The following SNAP47 variants were observed in gnomAD, a reference collection of about 807,000 sequenced individuals.
The protein encoded by SNAP47 is synaptosome associated protein 47.
Under a neutral mutation model 31.4 loss-of-function variants are expected in SNAP47, and 20 were observed. The observed-to-expected ratio is 0.64, with a 90% CI of 0.45 to 0.93. The LOEUF (loss-of-function observed/expected upper bound fraction) is 0.93. SNAP47 is among the 40% of genes least tolerant of loss of function. The pLI is 0.00. For missense variants in SNAP47, 492 were observed against 528.5 expected (o/e 0.93, Z 0.68); for synonymous variants, 194 against 213.4 (o/e 0.91, Z 0.79).
intron 4 of SNAP47, 113 bp downstream of exon 4, chr1:227,767,196 C>A: frequency 6.8e-7 from 1 of 1,469,558 alleles, no homozygotes; most frequent in Non-Finnish European, 9.2e-7. Context: ...CCGTATTGGC[C>A]TCGCACCAAG....
intron 2 of SNAP47, among the ~76,000 whole-genome samples, chr1:227,754,860 A>G (rs1368099088): frequency 1.3e-5 from 2 of 152,338 alleles, no homozygotes; most frequent in Admixed American, 6.5e-5. Flanking sequence ...AAGACTGCCT[A>G]AAATAACTGA....
At chr1:227,732,806 G>A, upstream of SNAP47, 1 of 1,596,608 alleles carries the variant, frequency 6.3e-7, no homozygotes. Context: ...AAGCTGCGCG[G>A]TGACCAAGGG....
At chr1:227,744,646 T>C (rs1245840805) in intron 1 of SNAP47, among the ~76,000 whole-genome samples, 1 of 151,308 alleles carries the variant, frequency 6.6e-6, no homozygotes, top group Non-Finnish European at 1.5e-5. Flanking sequence ...TGGCCAGCTC[T>C]GTTCAGATAC....
upstream of SNAP47, chr1:227,735,420 C>T (rs568372279): frequency 4.5e-6 from 7 of 1,544,124 alleles, no homozygotes; most frequent in African/African-American, 8.5e-5. Flanking sequence ...ATGCGCGCGG[C>T]TCGCCGCGGT....
intron 4 of SNAP47, chr1:227,775,769 C>G (rs1392883867): frequency 3.8e-6 from 5 of 1,302,248 alleles, no homozygotes; most frequent in Non-Finnish European, 2.0e-6. Flanking sequence ...ATGCTAAATT[C>G]TCTTGTTTTT....
chr1:227,764,228 C>T (rs1663245277), intron 3 of SNAP47, among the ~76,000 whole-genome samples: 1 of 152,230 alleles, frequency 6.6e-6, no homozygotes, highest in Non-Finnish European at 1.5e-5. Context: ...AAAAGAGTGA[C>T]TCAGCAGCTC....
rs868039221 is a variant in SNAP47 at position 227,770,289 on chromosome 1, G to A, written c.1113+3206G>A. Among the ~76,000 whole-genome samples, 12 of 152,308 alleles carry A rather than the reference G, an allele frequency of 7.9e-5. No homozygotes were observed. In the Middle Eastern group the frequency reaches 0.014, roughly 173 times the overall value. On this transcript the variant is annotated intron_variant, in intron 4 of 4. Coordinates refer to ENST00000617596, the MANE Select transcript of SNAP47 (RefSeq NM_053052.4). ...AGGGAGCCGAGCCTGGTGCTGGGAC[G>A]GGGGTGAGACTGAGGGTGCGGTCAG... is the stretch of plus-strand genomic sequence containing the variant.
chr1:227,764,605 TA>T (rs5781496), intron 3 of SNAP47, among the ~76,000 whole-genome samples: 18,900 of 151,894 alleles, frequency 0.12, 1,285 homozygotes, highest in Middle Eastern at 0.22. Context: ...CCCGTCTCTA[TA>T]AAAAAATACA....
chr1:227,740,741 G>A (rs557874452), intron 1 of SNAP47, among the ~76,000 whole-genome samples: 3 of 152,266 alleles, frequency 2.0e-5, no homozygotes, highest in African/African-American at 7.2e-5. Flanking sequence ...ACATGCTCAT[G>A]GCATGTTTCT....
chr1:227,765,772 G>A (rs991668344), intron 3 of SNAP47, among the ~76,000 whole-genome samples: 10 of 152,326 alleles, frequency 6.6e-5, no homozygotes, highest in Non-Finnish European at 1.3e-4. Flanking sequence ...GCCTGGAGCT[G>A]CTCCCTCTTT....
intron 1 of SNAP47, among the ~76,000 whole-genome samples, chr1:227,739,115 C>G (rs1032133701): frequency 5.3e-5 from 8 of 152,158 alleles, no homozygotes; most frequent in African/African-American, 1.9e-4. Flanking sequence ...TTGGGAATGG[C>G]AAGAAATCCA....
intron 4 of SNAP47, among the ~76,000 whole-genome samples, chr1:227,775,481 G>A (rs563658718): frequency 3.0e-4 from 45 of 152,330 alleles, no homozygotes; most frequent in African/African-American, 9.6e-4. Flanking sequence ...GGCGTCGCGA[G>A]GCGAGCCAGA....
At chr1:227,740,882 G>C (rs1661541503) in intron 1 of SNAP47, among the ~76,000 whole-genome samples, 2 of 152,086 alleles carry the variant, frequency 1.3e-5, no homozygotes, top group Non-Finnish European at 2.9e-5. Flanking sequence ...GGTGATAGGG[G>C]AGGAGCTGAA....
intron 4 of SNAP47, chr1:227,777,251 AACCAGGGTCACT>A: frequency 2.9e-6 from 1 of 339,978 alleles, no homozygotes; most frequent in Non-Finnish European, 4.2e-6. Flanking sequence ...ATCACATCAC[AACCAGGGTCACT>A]AGCACGGCCA....
At chr1:227,780,362 G>C (rs1664393291) in intron 4 of SNAP47, among the ~76,000 whole-genome samples, 165 bp from the exon 5 acceptor site, 1 of 152,234 alleles carries the variant, frequency 6.6e-6, no homozygotes, top group Admixed American at 6.5e-5. Flanking sequence ...GCAGAGCCAT[G>C]ACCTGACCCT....
chr1:227,747,909 A>T lies in SNAP47; in HGVS notation c.173A>T (p.Lys58Met). 1 of 1,614,168 alleles carries T rather than the reference A, an allele frequency of 6.2e-7. No homozygotes were observed. The highest frequency in any genetic ancestry group is 8.5e-7 in the Non-Finnish European group (1 of 1,180,032). The stretch of plus-strand genomic sequence containing the variant: ...CTCTCCAGCATAGTTGAGATCAAGA[A>T]GGAGGCTTCACATTTTATCTTCAGC... ...FPLSSIVEIK[K>M]EASHFIFSSI... Residue 58 changes from lysine to methionine, a missense_variant, in exon 2 of 5, where the codon AAG (lysine) becomes ATG (methionine). Coordinates refer to ENST00000617596, the MANE Select transcript of SNAP47 (RefSeq NM_053052.4).
intron 4 of SNAP47, 151 bp downstream of exon 4, chr1:227,767,234 C>T: frequency 8.4e-7 from 1 of 1,196,644 alleles, no homozygotes; most frequent in East Asian, 2.6e-5. Context: ...CACTCGGCAG[C>T]TGCAGGGAGG....
intron 1 of SNAP47, among the ~76,000 whole-genome samples, chr1:227,737,192 A>G (rs1661272599): frequency 6.6e-6 from 1 of 152,210 alleles, no homozygotes; most frequent in Non-Finnish European, 1.5e-5. Context: ...AAATCAGCTC[A>G]AAGCTACCCA....
chr1:227,753,634 C>A (rs145677230), intron 2 of SNAP47, among the ~76,000 whole-genome samples: 5 of 152,224 alleles, frequency 3.3e-5, no homozygotes, highest in African/African-American at 1.2e-4. Flanking sequence ...TTCCTCACAT[C>A]GGAGGCAGTT....
Sources: gnomAD v4.1 joint callset for allele counts (sites outside exome capture counted in the v4.1 genomes callset) on GRCh38, gnomAD v4.1.1 for gene constraint, MANE v1.5 for transcripts, NCBI Gene and HGNC (gene_info 2026-07-23, HGNC 2026-07-21) for gene names.